Variants in SIGLEC9 observed in about 807,000 individuals in gnomAD.
SIGLEC9 encodes sialic acid-binding Ig-like lectin 9.
A neutral mutation model predicts 38.3 loss-of-function variants in SIGLEC9; 26 were observed. That is an observed-to-expected ratio of 0.68 (90% CI 0.50 to 0.94). The LOEUF (loss-of-function observed/expected upper bound fraction) is 0.94. Among genes scored for constraint, SIGLEC9 ranks in the 40% least tolerant of loss-of-function variants. The pLI, the probability that SIGLEC9 is intolerant of heterozygous loss-of-function variation, is 0.00. For missense variants in SIGLEC9, 556 were observed against 585.7 expected (o/e 0.95, Z 0.52); for synonymous variants, 236 against 248.0 (o/e 0.95, Z 0.45).
rs1207069536 is a variant in SIGLEC9 at position 51,126,901 on chromosome 19, G to C, written c.749-129G>C. On this transcript the variant is annotated intron_variant, in intron 3 of 6. Coordinates refer to ENST00000250360, the MANE Select transcript of SIGLEC9 (RefSeq NM_014441.3). ...AAGTTTACATTCCCAGCAGTGAGTG[G>C]TGAAAGTGTGTGTTTCCAGAACTTC... The C allele has an allele frequency of 1.2e-5, 9 of 750,834 alleles. No homozygotes were observed. The East Asian group carries it at 2.1e-4, about 17-fold the overall frequency. The allele number at this position is 750,834 out of a possible 1,614,324, so 46.5% of individuals were successfully genotyped here.
At chr19:51,119,887 GTAAGCA>G in the SIGLEC9 span, 1 of 155,772 alleles carries the variant, frequency 6.4e-6, no homozygotes, top group Admixed American at 6.5e-5. Flanking sequence ...TGGTGAGAAA[GTAAGCA>G]GACCCAGAGG....
At chr19:51,121,270 C>T (rs189080511), upstream of SIGLEC9, among the ~76,000 whole-genome samples, 18 of 152,242 alleles carry the variant, frequency 1.2e-4, no homozygotes, top group African/African-American at 4.3e-4. Context: ...ATTCTTATGC[C>T]TCGGCCTCTG....
chr19:51,136,009 C>G (rs766815661), exon 7 of SIGLEC9: 1 of 703,258 alleles, frequency 1.4e-6, no homozygotes, highest in African/African-American at 1.7e-5. Flanking sequence ...GACTGGGTTT[C>G]GAGTTTCTCC....
chr19:51,129,171 G>GTTTTTTTTTTTTTTTTTTTTTTT (rs375911468), intron 6 of SIGLEC9, among the ~76,000 whole-genome samples: 16 of 138,988 alleles, frequency 1.2e-4, no homozygotes, highest in African/African-American at 3.9e-4. Context: ...TGTTGTTGTT[G>GTTTTTTTTTTTTTTTTTTTTTTT]TTTTTGAGAC....
intron 3 of SIGLEC9, among the ~76,000 whole-genome samples, chr19:51,126,539 C>G: frequency 6.6e-6 from 1 of 152,218 alleles, no homozygotes. Flanking sequence ...GCCCCCCTCC[C>G]CAGAACCAAC....
chr19:51,122,311 G>T (rs2122826496), upstream of SIGLEC9, among the ~76,000 whole-genome samples: 1 of 152,294 alleles, frequency 6.6e-6, no homozygotes, highest in Non-Finnish European at 1.5e-5. This position sits in a 1 kb window ranked among gnomAD's most constrained non-coding sequence, Gnocchi z 4.1. Context: ...GGCCAGGCTT[G>T]GTGGCTCACG....
exon 7 of SIGLEC9, chr19:51,136,233 A>G: frequency 1.4e-6 from 1 of 698,376 alleles, no homozygotes. Context: ...TGTTCTTTGG[A>G]TAGGGCTCTT....
chr19:51,127,544 G>A (rs1399141170), intron 4 of SIGLEC9, among the ~76,000 whole-genome samples: 1 of 152,100 alleles, frequency 6.6e-6, no homozygotes, highest in Non-Finnish European at 1.5e-5. Flanking sequence ...TGTGTTTAGG[G>A]AGACAAGCGC....
intron 6 of SIGLEC9, among the ~76,000 whole-genome samples, chr19:51,129,580 C>T (rs1397338672): frequency 6.6e-6 from 1 of 151,384 alleles, no homozygotes; most frequent in Non-Finnish European, 1.5e-5. Context: ...GATGGAGTCT[C>T]GCTCTGTCAC....
chr19:51,127,989 A>T lies in SIGLEC9; in HGVS notation c.1056A>T (p.Gly352=). ...TSGVTQGVVG[G]AGATALVFLS... ...GAGTGACTCAGGGGGTGGTCGGGGG[A>T]GCTGGAGCCACAGCCCTGGTCTTCC... is the stretch of plus-strand genomic sequence containing the variant. The change falls in exon 5 of 7, where the codon GGA becomes GGT. Residue 352 remains glycine, a synonymous_variant. Coordinates refer to ENST00000250360, the MANE Select transcript of SIGLEC9 (RefSeq NM_014441.3). 1 of 1,613,934 alleles carries T rather than the reference A, an allele frequency of 6.2e-7. No individual in the cohort carries two copies. The highest frequency in any genetic ancestry group is 8.5e-7 in the Non-Finnish European group (1 of 1,179,902).
intron 6 of SIGLEC9, chr19:51,129,076 G>C (rs911493779): frequency 1.3e-5 from 2 of 152,358 alleles, no homozygotes; most frequent in Admixed American, 1.3e-4. Flanking sequence ...ACTGTAGTTT[G>C]ACAACCCCTG....
At chr19:51,124,253 G>A (rs1235835592), upstream of SIGLEC9, among the ~76,000 whole-genome samples, 1 of 152,058 alleles carries the variant, frequency 6.6e-6, no homozygotes, top group Non-Finnish European at 1.5e-5. Flanking sequence ...TGTGTCCTTG[G>A]CGTGTATCAA....
upstream of SIGLEC9, among the ~76,000 whole-genome samples, chr19:51,121,458 C>A (rs536920479): frequency 6.6e-5 from 10 of 152,242 alleles, no homozygotes; most frequent in African/African-American, 2.4e-4. Flanking sequence ...AAATGTCACC[C>A]TTTTCATCCA....
At chr19:51,122,300 G>A (rs2091951704), upstream of SIGLEC9, among the ~76,000 whole-genome samples, 2 of 151,952 alleles carry the variant, frequency 1.3e-5, no homozygotes, top group African/African-American at 4.8e-5. The surrounding 1 kb of genome is among the most constrained non-coding windows in gnomAD (Gnocchi z 4.1). Flanking sequence ...AGCATGAGCC[G>A]GGCCAGGCTT....
chr19:51,125,524 C>A (rs938116241), intron 1 of SIGLEC9, 73 bp from the exon 2 acceptor site: 6 of 1,578,240 alleles, frequency 3.8e-6, no homozygotes, highest in Admixed American at 1.9e-5. Flanking sequence ...GGAGCTGGAC[C>A]AGAGCCTGAG....
intron 6 of SIGLEC9, chr19:51,128,885 A>G: frequency 4.9e-6 from 1 of 205,478 alleles, no homozygotes; most frequent in East Asian, 1.5e-4. Flanking sequence ...AGCAAATACT[A>G]TCTGTCAGGG....
chr19:51,127,552 C>T (rs1048511653), intron 4 of SIGLEC9, among the ~76,000 whole-genome samples: 3 of 151,928 alleles, frequency 2.0e-5, no homozygotes, highest in Non-Finnish European at 1.5e-5. Flanking sequence ...GGGAGACAAG[C>T]GCCTTTCTTT....
chr19:51,126,298 A>G (rs1794940609), intron 3 of SIGLEC9, among the ~76,000 whole-genome samples, 170 bp downstream of exon 3: 1 of 151,680 alleles, frequency 6.6e-6, no homozygotes, highest in South Asian at 2.1e-4. Context: ...CCATCCTCCC[A>G]TCACCTCCCT....
downstream of SIGLEC9, among the ~76,000 whole-genome samples, chr19:51,134,714 G>A (rs1038470492): frequency 6.6e-6 from 1 of 151,942 alleles, no homozygotes; most frequent in Non-Finnish European, 1.5e-5. Flanking sequence ...AGGAATTTTC[G>A]TATCTCAATT....
Sources: gnomAD v4.1 joint callset for allele counts (sites outside exome capture counted in the v4.1 genomes callset) on GRCh38, gnomAD v4.1.1 for gene constraint, Gnocchi (gnomAD v3.1) non-coding constraint, MANE v1.5 for transcripts, NCBI Gene and HGNC (gene_info 2026-07-23, HGNC 2026-07-21) for gene names.